The following GUCY1A2 variants were observed in gnomAD, a reference collection of about 807,000 sequenced individuals.
GUCY1A2 encodes guanylate cyclase 1 soluble subunit alpha 2.
In GUCY1A2, 27 loss-of-function variants were observed where a neutral mutation model predicts 63.5. The observed-to-expected ratio is 0.43, with a 90% CI of 0.31 to 0.59. The LOEUF (loss-of-function observed/expected upper bound fraction) is 0.59, where lower values mean the gene tolerates loss of function less well. Among genes scored for constraint, GUCY1A2 ranks in the 20% least tolerant of loss-of-function variants. The pLI is 0.11. For missense variants in GUCY1A2, 768 were observed against 913.3 expected, an observed-to-expected ratio of 0.84 and a Z score of 2.05; for synonymous variants, 364 against 343.5, an observed-to-expected ratio of 1.06 and a Z score of -0.66.
At chr11:106,924,614 C>T (rs1331757190) in intron 4 of GUCY1A2, among the ~76,000 whole-genome samples, 1 of 152,110 alleles carries the variant, frequency 6.6e-6, no homozygotes, top group African/African-American at 2.4e-5. Context: ...AAGAAGTAGG[C>T]CTTAGTATGT....
At chr11:106,787,342 G>A (rs191023070) in intron 5 of GUCY1A2, among the ~76,000 whole-genome samples, 4 of 149,560 alleles carry the variant, frequency 2.7e-5, no homozygotes, top group Admixed American at 2.7e-4. Flanking sequence ...CCCTTCTGCT[G>A]TCTATCTCCA....
intron 1 of GUCY1A2, among the ~76,000 whole-genome samples, chr11:106,993,379 A>T (rs2120160574): frequency 6.6e-6 from 1 of 152,330 alleles, no homozygotes; most frequent in East Asian, 1.9e-4. Flanking sequence ...AACTGACTTT[A>T]TCACTAAAAC....
intron 4 of GUCY1A2, among the ~76,000 whole-genome samples, chr11:106,924,917 A>T (rs1860501170): frequency 6.6e-6 from 1 of 152,024 alleles, no homozygotes; most frequent in Admixed American, 6.6e-5. Context: ...AGGTGGGAGA[A>T]ATCACCTGAG....
At chr11:106,847,584 C>G (rs1478416572) in intron 4 of GUCY1A2, among the ~76,000 whole-genome samples, 1 of 151,292 alleles carries the variant, frequency 6.6e-6, no homozygotes, top group African/African-American at 2.4e-5. Context: ...CAGCTGAGCC[C>G]CATTAGTGGA....
chr11:106,951,929 G>A (rs949421195), intron 3 of GUCY1A2, among the ~76,000 whole-genome samples: 3 of 152,140 alleles, frequency 2.0e-5, no homozygotes, highest in Admixed American at 1.3e-4. Context: ...TGTAAGAAAG[G>A]GGTCTAGTTT....
intron 6 of GUCY1A2, among the ~76,000 whole-genome samples, chr11:106,732,335 T>A (rs1364665468): frequency 6.6e-6 from 1 of 152,134 alleles, no homozygotes; most frequent in African/African-American, 2.4e-5. Flanking sequence ...TGCAGAAGAC[T>A]TAAACTAGAC....
At chr11:106,820,830 T>C (rs61902966) in intron 4 of GUCY1A2, among the ~76,000 whole-genome samples, 3,423 of 152,316 alleles carry the variant, frequency 0.022, 60 homozygotes, top group Middle Eastern at 0.054. Context: ...GTTTATTCAA[T>C]AGATTGAAAT....
chr11:106,685,682 G>T lies in GUCY1A2; in HGVS notation c.*1867C>A. On this transcript the variant is annotated 3_prime_UTR_variant, in exon 8 of 8. Coordinates refer to ENST00000526355, the MANE Select transcript of GUCY1A2 (RefSeq NM_000855.3). The stretch of plus-strand genomic sequence containing the variant: ...AAGCATGAGGATTGAGGTGCTCCCA[G>T]TCTGCTCTGCTCATACTGGCTGTAA... The T allele has an allele frequency of 4.4e-6, 1 of 228,116 alleles. No individual in the cohort carries two copies. The highest frequency in any genetic ancestry group is 8.7e-6 in the Non-Finnish European group (1 of 114,832). The allele number at this position is 228,116 out of a possible 1,614,324, so 14.1% of individuals were successfully genotyped here. A position where few individuals can be genotyped will look rare whatever the true frequency, so the allele number is the denominator to read the frequency against.
In GUCY1A2 at chr11:106,687,378, G is replaced by A. The variant is rs938047488; in HGVS notation, c.*171C>T. 1 of 610,830 alleles carries A rather than the reference G, an allele frequency of 1.6e-6. No homozygotes were observed. Among genetic ancestry groups the A allele is most frequent in the African/African-American group, 1.8e-5 (1 of 54,270 alleles). 37.8% of individuals were successfully genotyped at this position (610,830 alleles called of 1,614,324 possible). On this transcript the variant is annotated 3_prime_UTR_variant, in exon 8 of 8. Transcript: ENST00000526355. ...TTCCCTCATCCTCCGGCTTTTTATT[G>A]ACAGCGGTCACCTCCACCTTTTAGT...
intron 4 of GUCY1A2, among the ~76,000 whole-genome samples, chr11:106,836,014 C>A (rs1288131040): frequency 6.6e-6 from 1 of 151,940 alleles, no homozygotes; most frequent in East Asian, 1.9e-4. Context: ...CTATCTTTTA[C>A]AAGCATCCCA....
intron 4 of GUCY1A2, among the ~76,000 whole-genome samples, chr11:106,928,171 G>C (rs991675272): frequency 3.3e-5 from 5 of 152,144 alleles, no homozygotes; most frequent in Admixed American, 2.6e-4. Context: ...TGTTCACAGA[G>C]AGAAAGAGAT....
intron 6 of GUCY1A2, among the ~76,000 whole-genome samples, chr11:106,729,755 G>C (rs1863468182): frequency 6.6e-6 from 1 of 151,876 alleles, no homozygotes; most frequent in Non-Finnish European, 1.5e-5. Context: ...AAAATATCTT[G>C]ATATTGTTTC....
At chr11:106,944,751 C>T (rs1860803329) in intron 3 of GUCY1A2, among the ~76,000 whole-genome samples, 1 of 152,122 alleles carries the variant, frequency 6.6e-6, no homozygotes, top group Non-Finnish European at 1.5e-5. Context: ...CATGTGAGTA[C>T]TCTGAAACGA....
rs781319585 is a variant in GUCY1A2, at chr11:106,939,486, C to G, written c.1180G>C (p.Ala394Pro). 1 of 1,597,704 alleles carries G rather than the reference C, an allele frequency of 6.3e-7. No individual in the cohort carries two copies. The highest frequency in any genetic ancestry group is 1.1e-5 in the South Asian group (1 of 90,606). The change falls in exon 4 of 8, where the codon GCT (alanine) becomes CCT (proline). Residue 394 changes from alanine to proline, a missense_variant. Ala to Pro is a conservative substitution (Grantham distance 27). Around this residue, in one of 3 missense-constraint regions of GUCY1A2, gnomAD observed 122 missense variants for 238.1 expected, o/e 0.51. Transcript: ENST00000526355. ...TPFVIRTKPE[A>P]SGSENKDKVM... is the part of the protein sequence containing the mutation. ...TTGTCTTTATTTTCAGAGCCAGAAGCCTCAGGCTTGGTTCTAATCACAAAC... is the reference window on the plus strand; with the variant it reads ...TTGTCTTTATTTTCAGAGCCAGAAGGCTCAGGCTTGGTTCTAATCACAAAC...
chr11:106,812,504 C>G (rs1413548158), intron 4 of GUCY1A2, among the ~76,000 whole-genome samples: 1 of 151,610 alleles, frequency 6.6e-6, no homozygotes, highest in Admixed American at 6.6e-5. Context: ...CTTTTTCTTT[C>G]TCTTTTCTTC....
intron 6 of GUCY1A2, among the ~76,000 whole-genome samples, chr11:106,736,741 A>AT (rs1555025160): frequency 6.6e-6 from 1 of 152,184 alleles, no homozygotes; most frequent in Non-Finnish European, 1.5e-5. Flanking sequence ...TTTTAATAAT[A>AT]TTGATCCTTC....
rs1862317461 is a variant in GUCY1A2 at position 106,674,770 on chromosome 11, T to A, written c.*12779A>T. ...TACATTGCAAACCAAACCAAAAATT[T>A]AGACCCATGAAATTGCAGCAAACAA... On this transcript the variant is annotated 3_prime_UTR_variant, in exon 8 of 8. Transcript: ENST00000526355. The A allele has an allele frequency of 9.5e-6, 2 of 209,816 alleles. No homozygotes were observed. Among genetic ancestry groups the A allele is most frequent in the Middle Eastern group, 1.6e-3 (1 of 616 alleles). The allele number at this position is 209,816 out of a possible 1,614,324, so 13.0% of individuals were successfully genotyped here. A position where few individuals can be genotyped will look rare whatever the true frequency, so the allele number is the denominator to read the frequency against.
chr11:106,931,900 G>A (rs192189397), intron 4 of GUCY1A2, among the ~76,000 whole-genome samples: 9 of 152,146 alleles, frequency 5.9e-5, no homozygotes, highest in Admixed American at 1.3e-4. Flanking sequence ...AATTGTTGTC[G>A]TAGATGCACT....
intron 5 of GUCY1A2, among the ~76,000 whole-genome samples, chr11:106,796,850 G>A (rs909882857): frequency 7.9e-5 from 12 of 152,118 alleles, no homozygotes; most frequent in Non-Finnish European, 1.8e-4. Context: ...AGTTCTCCTG[G>A]ATAATAACCT....
Sources: gnomAD v4.1 joint callset for allele counts (sites outside exome capture counted in the v4.1 genomes callset) on GRCh38, gnomAD v4.1.1 for gene constraint, gnomAD v4.1.1 regional missense constraint, MANE v1.5 for transcripts, NCBI Gene and HGNC (gene_info 2026-07-23, HGNC 2026-07-21) for gene names.